AATF: variants seen among roughly 807,000 people sequenced by gnomAD.
AATF encodes apoptosis antagonizing transcription factor.
In AATF, 48 loss-of-function variants were observed where a neutral mutation model predicts 63.7. The observed-to-expected ratio is 0.75, with a 90% confidence interval of 0.60 to 0.96. The LOEUF (loss-of-function observed/expected upper bound fraction) is 0.96. Among genes scored for constraint, AATF ranks in the 40% least tolerant of loss-of-function variants. The probability of loss-of-function intolerance (pLI) is 0.00; values close to 1 mark genes in which losing one functional copy is unlikely to be tolerated. For synonymous variants in AATF, 258 were observed against 247.7 expected (o/e 1.04, Z -0.39); for missense variants, 639 against 685.7 (o/e 0.93, Z 0.76).
At chr17:37,032,389 C>A (rs967163318) in intron 11 of AATF, among the ~76,000 whole-genome samples, 3 of 152,194 alleles carry the variant, frequency 2.0e-5, no homozygotes, top group Admixed American at 6.5e-5. Context: ...TTGTGTCCTT[C>A]AAAGTTGTCT....
At position 37,056,584 on chromosome 17, in the gene AATF, C is replaced by G. The variant is rs369764031; in HGVS notation, c.1620-17C>G. ...GTGAACCAGTGTGTTAACCAGTTTG[C>G]TGTGTTTGTCTTTTAGGACAGAACT... is the stretch of plus-strand genomic sequence containing the variant. On this transcript the variant is annotated splice_polypyrimidine_tract_variant and intron_variant, in intron 11 of 11. Coordinates refer to ENST00000619387, the MANE Select transcript of AATF (RefSeq NM_012138.4). The G allele has an allele frequency of 5.0e-6, 8 of 1,613,884 alleles. No individual in the cohort carries two copies. Among genetic ancestry groups the G allele is most frequent in the African/African-American group, 1.3e-5 (1 of 74,928 alleles).
intron 11 of AATF, chr17:37,045,863 T>C (rs1359991220): frequency 6.6e-6 from 1 of 152,234 alleles, no homozygotes; most frequent in Non-Finnish European, 1.5e-5. Flanking sequence ...GTTGCAGGCC[T>C]GCTCAGTGCT....
chr17:36,967,861 C>CTTTTTT (rs372660652), intron 4 of AATF, among the ~76,000 whole-genome samples: 1 of 123,262 alleles, frequency 8.1e-6, no homozygotes, highest in Admixed American at 8.1e-5. Context: ...CAGACCTTGC[C>CTTTTTT]TTTTTTTTTT....
At chr17:37,041,105 A>G (rs2071635178) in intron 11 of AATF, among the ~76,000 whole-genome samples, 1 of 152,228 alleles carries the variant, frequency 6.6e-6, no homozygotes, top group South Asian at 2.1e-4. Flanking sequence ...GTAGAACATT[A>G]TTAATACTTT....
intron 11 of AATF, among the ~76,000 whole-genome samples, chr17:37,047,169 A>G (rs2071700713): frequency 6.6e-6 from 1 of 152,228 alleles, no homozygotes; most frequent in South Asian, 2.1e-4. Flanking sequence ...CTTCTCTCAC[A>G]TCAAATCTGT....
intron 11 of AATF, 47 bp from the exon 12 acceptor site, chr17:37,056,554 G>C (rs757822775): frequency 1.3e-5 from 21 of 1,596,644 alleles, no homozygotes; most frequent in Non-Finnish European, 1.7e-5. Context: ...TTTTAACCTT[G>C]AATAGTGAAC....
At chr17:36,999,595 C>T (rs907025938) in intron 8 of AATF, among the ~76,000 whole-genome samples, 3 of 152,124 alleles carry the variant, frequency 2.0e-5, no homozygotes, top group Non-Finnish European at 2.9e-5. Flanking sequence ...CCCTCATGAG[C>T]GTTCATTCTA....
At chr17:37,034,178 G>A (rs1440324535) in intron 11 of AATF, among the ~76,000 whole-genome samples, 1 of 152,170 alleles carries the variant, frequency 6.6e-6, no homozygotes, top group Non-Finnish European at 1.5e-5. Context: ...TTCTCATTGT[G>A]TTTCCTAAGG....
intron 4 of AATF, among the ~76,000 whole-genome samples, chr17:36,970,534 CTTTTTTCTTTTTT>C (rs1567968843): frequency 1.2e-4 from 15 of 125,662 alleles, no homozygotes; most frequent in Middle Eastern, 3.7e-3. Context: ...TTCTTTCTTT[CTTTTTTCTTTTTT>C]TTTTTTTTTT....
intron 4 of AATF, among the ~76,000 whole-genome samples, chr17:36,973,190 G>T (rs1210368472): frequency 6.6e-6 from 1 of 152,016 alleles, no homozygotes; most frequent in Admixed American, 6.6e-5. Flanking sequence ...ACTCCTTAAG[G>T]ATACATTGTA....
intron 4 of AATF, 125 bp from the exon 5 acceptor site, chr17:36,986,492 T>A (rs2071169765): frequency 2.8e-6 from 2 of 706,902 alleles, no homozygotes; most frequent in Non-Finnish European, 5.1e-6. Flanking sequence ...AGTTCCTGTG[T>A]GTATCCTGTG....
chr17:37,010,463 A>AATT (rs143188434), intron 8 of AATF, among the ~76,000 whole-genome samples: 6 of 151,896 alleles, frequency 4.0e-5, no homozygotes, highest in African/African-American at 4.8e-5. Flanking sequence ...ATCTCAAAAA[A>AATT]ATTATTATTA....
rs1051560287 is a variant in AATF at position 36,948,955 on chromosome 17, C to T, written c.-171C>T. ...CGCGCAGGCCCCGCCCCCTCCCGCG[C>T]GCCTCCCGGAAGTGGCCGGTCCAGA... is the stretch of plus-strand genomic sequence containing the variant. On this transcript the variant is annotated 5_prime_UTR_variant, in exon 1 of 12. Coordinates refer to ENST00000619387, the MANE Select transcript of AATF (RefSeq NM_012138.4). 7.4e-5 allele frequency: 42 copies of T among 570,202 alleles called. No individual in the cohort carries two copies. The highest frequency in any genetic ancestry group is 6.8e-4 in the African/African-American group (34 of 50,358). The allele number at this position is 570,202 out of a possible 1,614,324, so 35.3% of individuals were successfully genotyped here.
intron 8 of AATF, among the ~76,000 whole-genome samples, chr17:36,995,784 T>G (rs1376594817): frequency 1.3e-5 from 2 of 151,898 alleles, no homozygotes; most frequent in Non-Finnish European, 2.9e-5. Context: ...CCCAGGCTGG[T>G]CTTGAACTCC....
At chr17:36,956,635 T>G (rs2142206477) in intron 4 of AATF, among the ~76,000 whole-genome samples, 2 of 149,162 alleles carry the variant, frequency 1.3e-5, no homozygotes, top group African/African-American at 5.0e-5. Flanking sequence ...ATTGTGCCAT[T>G]GCACTCCAGC....
chr17:37,054,316 G>T, intron 11 of AATF: 1 of 152,526 alleles, frequency 6.6e-6, no homozygotes. Flanking sequence ...ATGAGAAACG[G>T]TGAGATCTGA....
chr17:37,055,766 C>T (rs982249123), intron 11 of AATF: 9 of 152,370 alleles, frequency 5.9e-5, no homozygotes, highest in African/African-American at 1.9e-4. Context: ...CGTCCTCACA[C>T]GGGTCTTGCC....
chr17:36,960,077 G>A (rs1032053472), intron 4 of AATF, among the ~76,000 whole-genome samples: 7 of 151,432 alleles, frequency 4.6e-5, no homozygotes, highest in South Asian at 2.1e-4. Context: ...GCAGTGGTGC[G>A]ACCTTGGCTC....
In AATF at chr17:37,000,351, G is replaced by A. The variant is rs146424953; in HGVS notation, c.1398+9494G>A. Among the ~76,000 whole-genome samples, 6 of 152,222 alleles carry A rather than the reference G, an allele frequency of 3.9e-5. No homozygotes were observed. In the East Asian group the frequency reaches 1.2e-3, roughly 29 times the overall value. ...CCTGAGCAGTTGGAGGGATTAAGTT[G>A]CTATTTACGGAGTTGGGAAAAAACA... is the stretch of plus-strand genomic sequence containing the variant. On this transcript the variant is annotated intron_variant, in intron 8 of 11. Coordinates refer to ENST00000619387, the MANE Select transcript of AATF (RefSeq NM_012138.4).
Sources: gnomAD v4.1 joint callset for allele counts (sites outside exome capture counted in the v4.1 genomes callset) on GRCh38, gnomAD v4.1.1 for gene constraint, MANE v1.5 for transcripts, NCBI Gene and HGNC (gene_info 2026-07-23, HGNC 2026-07-21) for gene names.